PIK3C3: variants seen among roughly 807,000 people sequenced by gnomAD.
PIK3C3 encodes PI3-kinase type 3.
PIK3C3 carries 95 observed loss-of-function variants against 126.1 expected under a neutral mutation model. The observed-to-expected ratio is 0.75, with a 90% confidence interval of 0.64 to 0.89. The LOEUF (loss-of-function observed/expected upper bound fraction) is 0.89. PIK3C3 is among the 40% of genes least tolerant of loss of function. The pLI, the probability that PIK3C3 is intolerant of heterozygous loss-of-function variation, is 0.00. For missense variants in PIK3C3, 829 were observed against 1,063.2 expected (o/e 0.78, Z 3.06); for synonymous variants, 374 against 360.0 (o/e 1.04, Z -0.44).
chr18:41,960,886 C>T (rs1312195142), intron 2 of PIK3C3, among the ~76,000 whole-genome samples: 7 of 151,886 alleles, frequency 4.6e-5, no homozygotes, highest in East Asian at 1.9e-4. Flanking sequence ...GGACTACAGG[C>T]GCGCACCACC....
At chr18:42,077,389 T>C (rs1011965250) in intron 24 of PIK3C3, among the ~76,000 whole-genome samples, 11 of 152,248 alleles carry the variant, frequency 7.2e-5, no homozygotes, top group South Asian at 2.1e-4. Flanking sequence ...AGTAGAACTT[T>C]TTGCAGAATT....
At chr18:41,988,532 A>G (rs1981610263) in intron 5 of PIK3C3, among the ~76,000 whole-genome samples, 1 of 152,142 alleles carries the variant, frequency 6.6e-6, no homozygotes, top group South Asian at 2.1e-4. Flanking sequence ...CAATAATTAT[A>G]TTAATCAAAT....
At chr18:42,053,684 A>G (rs1253368797) in intron 21 of PIK3C3, among the ~76,000 whole-genome samples, 2 of 152,126 alleles carry the variant, frequency 1.3e-5, no homozygotes, top group Admixed American at 6.6e-5. Flanking sequence ...CAAATGAAAC[A>G]TGGTTTGAGT....
At chr18:42,069,531 C>T (rs1172712189) in intron 24 of PIK3C3, among the ~76,000 whole-genome samples, 1 of 152,198 alleles carries the variant, frequency 6.6e-6, no homozygotes, top group Non-Finnish European at 1.5e-5. Flanking sequence ...CTGGCCACGG[C>T]CCATCTCTGT....
At chr18:42,072,162 A>G (rs947936800) in intron 24 of PIK3C3, among the ~76,000 whole-genome samples, 1 of 152,220 alleles carries the variant, frequency 6.6e-6, no homozygotes, top group African/African-American at 2.4e-5. Context: ...GTAGTCATCT[A>G]TTATAATGAT....
At chr18:42,010,040 C>T (rs1982747934) in intron 10 of PIK3C3, among the ~76,000 whole-genome samples, 1 of 152,190 alleles carries the variant, frequency 6.6e-6, no homozygotes, top group African/African-American at 2.4e-5. Flanking sequence ...GCATGCAATG[C>T]TGCTTGTTAG....
chr18:41,981,102 C>T (rs934642092), intron 4 of PIK3C3, among the ~76,000 whole-genome samples: 1 of 152,010 alleles, frequency 6.6e-6, no homozygotes, highest in South Asian at 2.1e-4. Context: ...TATCTTATTG[C>T]TTTGATTCTG....
chr18:42,018,054 CTTAT>C (rs1472130277), intron 12 of PIK3C3, among the ~76,000 whole-genome samples: 1 of 151,648 alleles, frequency 6.6e-6, no homozygotes, highest in African/African-American at 2.4e-5. Flanking sequence ...CCCACCCCAT[CTTAT>C]TTAACTTCCT....
At position 41,996,621 on chromosome 18, in the gene PIK3C3, T is replaced by C; in HGVS notation, c.892-17T>C. On this transcript the variant is annotated splice_polypyrimidine_tract_variant and intron_variant, in intron 8 of 24. Transcript: ENST00000262039. ...GTATTGTTGACAAAATTAGTTCTTTTTCTTTTTTTGTTTTAGATTATTGTG... is the reference window on the plus strand; with the variant it reads ...GTATTGTTGACAAAATTAGTTCTTTCTCTTTTTTTGTTTTAGATTATTGTG... 7.4e-7 allele frequency: 1 copy of C among 1,348,762 alleles called. No individual in the cohort carries two copies. The allele number at this position is 1,348,762 out of a possible 1,614,324, so 83.5% of individuals were successfully genotyped here. A position where few individuals can be genotyped will look rare whatever the true frequency, so the allele number is the denominator to read the frequency against.
chr18:42,049,117 G>T (rs912490886), intron 20 of PIK3C3, among the ~76,000 whole-genome samples: 6 of 152,104 alleles, frequency 3.9e-5, no homozygotes, highest in Non-Finnish European at 5.9e-5. Flanking sequence ...TCCATTTCAA[G>T]ATTATTTTTC....
At chr18:41,982,879 A>T (rs1981276314) in intron 4 of PIK3C3, among the ~76,000 whole-genome samples, 1 of 152,186 alleles carries the variant, frequency 6.6e-6, no homozygotes, top group Non-Finnish European at 1.5e-5. Flanking sequence ...GTTCCAGGTT[A>T]TTTAAGATAC....
At chr18:42,007,963 C>A (rs185084482) in intron 10 of PIK3C3, among the ~76,000 whole-genome samples, 8 of 152,182 alleles carry the variant, frequency 5.3e-5, no homozygotes, top group Admixed American at 5.2e-4. Flanking sequence ...TTCTCCCTGT[C>A]TCTGTTTGTT....
intron 3 of PIK3C3, among the ~76,000 whole-genome samples, chr18:41,963,610 A>G (rs929547526): frequency 1.3e-5 from 2 of 152,126 alleles, no homozygotes; most frequent in African/African-American, 4.8e-5. Flanking sequence ...TTCAGTGTGA[A>G]ATGCTATAGA....
intron 22 of PIK3C3, among the ~76,000 whole-genome samples, chr18:42,058,655 T>C (rs1324353104): frequency 6.6e-6 from 1 of 152,166 alleles, no homozygotes; most frequent in Admixed American, 6.6e-5. Flanking sequence ...CAAAAAAATG[T>C]TTTTTCTCCG....
At chr18:42,057,774 A>G in intron 21 of PIK3C3, 109 bp from the exon 22 acceptor site, 1 of 960,354 alleles carries the variant, frequency 1.0e-6, no homozygotes, top group Non-Finnish European at 1.6e-6. Context: ...TTCATCGTGA[A>G]CTAATATTCT....
chr18:42,019,983 T>C (rs1983249730), intron 12 of PIK3C3, among the ~76,000 whole-genome samples: 1 of 152,004 alleles, frequency 6.6e-6, no homozygotes, highest in Non-Finnish European at 1.5e-5. Context: ...ATTTGTCTCC[T>C]TTTCACCATC....
chr18:41,966,990 A>G (rs868489207), intron 3 of PIK3C3, among the ~76,000 whole-genome samples: 121 of 152,284 alleles, frequency 7.9e-4, no homozygotes, highest in African/African-American at 2.6e-3. Context: ...GCTTGTACTG[A>G]CCTTCACCTC....
chr18:42,002,982 C>A (rs1982362006), intron 9 of PIK3C3, among the ~76,000 whole-genome samples: 1 of 152,124 alleles, frequency 6.6e-6, no homozygotes, highest in African/African-American at 2.4e-5. Context: ...TAAGGAAGCA[C>A]CATCTGGTGG....
intron 21 of PIK3C3, chr18:42,050,419 CT>C (rs1984751310): frequency 1.3e-5 from 2 of 152,228 alleles, no homozygotes; most frequent in African/African-American, 4.8e-5. Context: ...ATTTCATTAA[CT>C]TCAAATTGAA....
Sources: allele counts gnomAD v4.1 joint callset (sites outside exome capture counted in the v4.1 genomes callset), GRCh38; gene constraint gnomAD v4.1.1; transcripts MANE v1.5; gene names NCBI Gene and HGNC (gene_info 2026-07-23, HGNC 2026-07-21).